Variants in PSMA4 observed in about 807,000 individuals in gnomAD.
PSMA4 encodes the protein proteasome subunit alpha type-4.
In PSMA4, 8 loss-of-function variants were observed where a neutral mutation model predicts 37.2. That is an observed-to-expected ratio of 0.22 (90% CI 0.13 to 0.39). The LOEUF (loss-of-function observed/expected upper bound fraction) is 0.39. Ranked by LOEUF, PSMA4 falls within the 10% of genes least tolerant of loss-of-function variation. The pLI is 1.00. For synonymous variants in PSMA4, 93 were observed against 98.8 expected (o/e 0.94, Z 0.35); for missense variants, 169 against 305.1 (o/e 0.55, Z 3.32).
At chr15:78,546,275 C>T (rs1255597519) in intron 7 of PSMA4, among the ~76,000 whole-genome samples, 1 of 151,978 alleles carries the variant, frequency 6.6e-6, no homozygotes, top group Non-Finnish European at 1.5e-5. Flanking sequence ...AGAACCCCAT[C>T]TCTACAAAAA....
Position 78,542,418 on chromosome 15 carries a change from C to CT in PSMA4, c.47-61dup, listed in dbSNP as rs2141373177. On this transcript the variant is annotated intron_variant, in intron 3 of 8. Transcript: ENST00000044462. ...TTCTAGCTTGCTTCATTGCTGATTT[C>CT]TTTTGGGCCAGTGGTGCAGGAGCAC... The CT allele has an allele frequency of 1.9e-6, 3 of 1,551,588 alleles. No homozygotes were observed. The South Asian group carries it at 3.6e-5, about 19-fold the overall frequency.
At position 78,550,014 on chromosome 15, in the gene PSMA4, G is replaced by C. The variant is rs1322737522; in HGVS notation, c.*1070G>C. On this transcript the variant is annotated 3_prime_UTR_variant, in exon 9 of 9. Coordinates refer to ENST00000044462, the MANE Select transcript of PSMA4 (RefSeq NM_002789.6). ...TTAATGCAGCTCCCTGCAGTTTTCTGTATAGGCTAAAGTATTTACAAGCCC... is the reference window on the plus strand; with the variant it reads ...TTAATGCAGCTCCCTGCAGTTTTCTCTATAGGCTAAAGTATTTACAAGCCC... 6.6e-6 allele frequency: 1 copy of C among 152,322 alleles called. No homozygotes were observed. The highest frequency in any genetic ancestry group is 2.4e-5 in the African/African-American group (1 of 41,454). 9.4% of individuals were successfully genotyped at this position (152,322 alleles called of 1,614,324 possible).
chr15:78,542,295 C>T, intron 3 of PSMA4, 76 bp downstream of exon 3: 1 of 1,486,006 alleles, frequency 6.7e-7, no homozygotes, highest in Admixed American at 2.2e-5. Context: ...AAATTACAAA[C>T]TTTTTTTGGT....
In PSMA4 at chr15:78,544,260, G is replaced by C; in HGVS notation, c.280G>C (p.Ala94Pro). ...NVLTNELRLI[A>P]QRYLLQYQEP... ...TCTGACTAATGAACTAAGGCTCATT[G>C]CTCAAAGGTATGGTCATAAATAGCA... The change falls in exon 5 of 9, where the codon GCT (alanine) becomes CCT (proline). Residue 94 changes from alanine (A) to proline (P), a missense_variant. Coordinates refer to ENST00000044462, the MANE Select transcript of PSMA4 (RefSeq NM_002789.6). 1 of 1,608,136 alleles carries C rather than the reference G, an allele frequency of 6.2e-7. No individual in the cohort carries two copies. The highest frequency in any genetic ancestry group is 8.5e-7 in the Non-Finnish European group (1 of 1,175,394).
At chr15:78,546,273 A>G (rs368244785) in intron 7 of PSMA4, among the ~76,000 whole-genome samples, 1 of 151,794 alleles carries the variant, frequency 6.6e-6, no homozygotes, top group African/African-American at 2.4e-5. Flanking sequence ...GCAGAACCCC[A>G]TCTCTACAAA....
At chr15:78,546,891 G>A (rs767645782) in intron 8 of PSMA4, among the ~76,000 whole-genome samples, 193 bp downstream of exon 8, 6 of 151,638 alleles carry the variant, frequency 4.0e-5, no homozygotes, top group East Asian at 1.9e-4. Flanking sequence ...TCAGCCTGCC[G>A]AGTAGCTGGG....
intron 1 of PSMA4, chr15:78,541,469 C>T (rs2052451127): frequency 5.7e-6 from 1 of 175,340 alleles, no homozygotes; most frequent in Non-Finnish European, 1.2e-5. Context: ...ATCTCATGCC[C>T]ACTAAACTAT....
At chr15:78,546,154 T>A (rs1311639153) in intron 7 of PSMA4, among the ~76,000 whole-genome samples, 1 of 152,122 alleles carries the variant, frequency 6.6e-6, no homozygotes, top group Non-Finnish European at 1.5e-5. Context: ...ATCAAAATTA[T>A]GTATATGGGC....
chr15:78,542,820 G>A (rs1049673927), intron 4 of PSMA4, 175 bp downstream of exon 4: 3 of 607,544 alleles, frequency 4.9e-6, no homozygotes, highest in Non-Finnish European at 8.5e-6. Flanking sequence ...TAAGTGCAGG[G>A]CAAACACTTA....
chr15:78,545,836 A>T, intron 7 of PSMA4, 72 bp downstream of exon 7: 1 of 1,496,802 alleles, frequency 6.7e-7, no homozygotes, highest in Non-Finnish European at 9.3e-7. Flanking sequence ...CATGGTGATG[A>T]ATGTAAACAG....
chr15:78,541,674 C>A (rs2141372464), intron 1 of PSMA4: 1 of 497,230 alleles, frequency 2.0e-6, no homozygotes, highest in East Asian at 3.7e-5. Context: ...TCCCACCCTA[C>A]CCCCGGTTCC....
Position 78,541,754 on chromosome 15 carries a change from CT to C in PSMA4, c.-23-150del, listed in dbSNP as rs1389135366. ...CAGTATTAGCTTTTCAGGACAGGAA[CT>C]GGTTTTACACATTTTGGTATTCCAG... On this transcript the variant is annotated intron_variant, in intron 1 of 8. Transcript: ENST00000044462. 2.4e-5 allele frequency: 16 copies of C among 660,888 alleles called. No homozygotes were observed. The East Asian group carries it at 4.3e-4, about 18-fold the overall frequency. 40.9% of individuals were successfully genotyped at this position (660,888 alleles called of 1,614,324 possible).
intron 8 of PSMA4, among the ~76,000 whole-genome samples, chr15:78,547,586 A>G (rs964003657): frequency 6.6e-6 from 1 of 152,210 alleles, no homozygotes; most frequent in Non-Finnish European, 1.5e-5. Context: ...CTGTAATCCC[A>G]GCACTTTGGG....
chr15:78,543,550 G>C (rs1339645512), intron 4 of PSMA4, among the ~76,000 whole-genome samples: 3 of 147,576 alleles, frequency 2.0e-5, no homozygotes, highest in Admixed American at 6.9e-5. Context: ...CTCAAGAGCA[G>C]TCTGTCTAGC....
chr15:78,545,549 T>A, intron 6 of PSMA4, 85 bp from the exon 7 acceptor site: 3 of 1,458,542 alleles, frequency 2.1e-6, no homozygotes, highest in South Asian at 2.3e-5. Flanking sequence ...CAGAGTAGGG[T>A]TTAGCTACCT....
chr15:78,548,712 CAT>C, intron 8 of PSMA4, 76 bp from the exon 9 acceptor site: 1 of 1,528,730 alleles, frequency 6.5e-7, no homozygotes, highest in South Asian at 1.4e-5. Flanking sequence ...GAGCATAAAC[CAT>C]GAGTGCCTAT....
chr15:78,545,536 TCA>T, intron 6 of PSMA4, 96 bp from the exon 7 acceptor site: 1 of 1,363,958 alleles, frequency 7.3e-7, no homozygotes. Flanking sequence ...ATGCTTAAGT[TCA>T]CAGAGTAGGG....
intron 4 of PSMA4, among the ~76,000 whole-genome samples, chr15:78,543,079 G>A (rs2052483770): frequency 6.6e-6 from 1 of 152,212 alleles, no homozygotes; most frequent in Non-Finnish European, 1.5e-5. Context: ...GCAGGATTTT[G>A]TTGAATTACA....
At chr15:78,542,951 T>C (rs535559476) in intron 4 of PSMA4, among the ~76,000 whole-genome samples, 2 of 152,326 alleles carry the variant, frequency 1.3e-5, no homozygotes, top group East Asian at 3.9e-4. Context: ...TTTAATTTCT[T>C]TGGGCCTCAG....
Sources: allele counts gnomAD v4.1 joint callset (sites outside exome capture counted in the v4.1 genomes callset), GRCh38; gene constraint gnomAD v4.1.1; transcripts MANE v1.5; gene names NCBI Gene and HGNC (gene_info 2026-07-23, HGNC 2026-07-21).